The following COL15A1 variants were observed in gnomAD, a reference collection of about 807,000 sequenced individuals.
The protein encoded by COL15A1 is collagen type XV alpha 1 chain.
In COL15A1, 111 loss-of-function variants were observed where a neutral mutation model predicts 165.9. The observed-to-expected ratio is 0.67, with a 90% CI of 0.57 to 0.78. COL15A1 has a LOEUF of 0.78. Among genes scored for constraint, COL15A1 ranks in the 30% least tolerant of loss-of-function variants. The pLI is 0.00. For synonymous variants in COL15A1, 659 were observed against 674.8 expected, an observed-to-expected ratio of 0.98 and a Z score of 0.36; for missense variants, 1,745 against 1,789.7, an observed-to-expected ratio of 0.98 and a Z score of 0.45.
intron 19 of COL15A1, among the ~76,000 whole-genome samples, chr9:99,035,775 G>A (rs1449763561): frequency 6.6e-6 from 1 of 152,100 alleles, no homozygotes; most frequent in Non-Finnish European, 1.5e-5. Flanking sequence ...CCAGGTCAAA[G>A]CCCTGTGCTC....
At chr9:98,973,824 C>T (rs964064787) in intron 2 of COL15A1, among the ~76,000 whole-genome samples, 7 of 152,158 alleles carry the variant, frequency 4.6e-5, no homozygotes, top group East Asian at 3.9e-4. Flanking sequence ...CAGTTAGGGG[C>T]GGTTAGAAAA....
At chr9:99,054,459 CTTTG>C (rs1825681453) in intron 31 of COL15A1, 113 bp from the exon 32 acceptor site, 2 of 1,096,602 alleles carry the variant, frequency 1.8e-6, no homozygotes, top group Non-Finnish European at 2.6e-6. Context: ...CTCAGGAGGG[CTTTG>C]TTTGAGTGGA....
intron 6 of COL15A1, among the ~76,000 whole-genome samples, chr9:98,998,777 C>A (rs1055251952): frequency 6.6e-6 from 1 of 152,244 alleles, no homozygotes; most frequent in African/African-American, 2.4e-5. Flanking sequence ...GATCCCAACG[C>A]AGCTCGCCTG....
rs567533982 is a variant in COL15A1, at chr9:99,023,377, C to T, written c.1782C>T (p.Gly594=). ...TCCAGGCAGGAGCAGAAGCAGAGGG[C>T]TCTGGCCTAGGCTGGGGCTCGGACG... ...VGPTAGAEAE[G]SGLGWGSDVG... The change falls in exon 14 of 42, where the codon GGC becomes GGT. Residue 594 remains glycine (G), a synonymous_variant. Transcript: ENST00000375001. 1.9e-6 allele frequency: 3 copies of T among 1,611,114 alleles called. No homozygotes were observed. The highest frequency in any genetic ancestry group is 1.3e-5 in the African/African-American group (1 of 74,962).
At chr9:98,956,521 C>T (rs1442994739) in intron 2 of COL15A1, among the ~76,000 whole-genome samples, 1 of 152,022 alleles carries the variant, frequency 6.6e-6, no homozygotes, top group Non-Finnish European at 1.5e-5. Flanking sequence ...TTTATATGTA[C>T]ATTTACATAT....
chr9:99,020,266 C>T, intron 11 of COL15A1, 123 bp from the exon 12 acceptor site: 1 of 727,282 alleles, frequency 1.4e-6, no homozygotes, highest in Non-Finnish European at 2.5e-6. Flanking sequence ...CTGACTTCAG[C>T]CCAGTACAAG....
chr9:98,986,428 T>C (rs1811930633), intron 3 of COL15A1: 1 of 252,392 alleles, frequency 4.0e-6, no homozygotes, highest in Non-Finnish European at 7.6e-6. Flanking sequence ...TGAAAGCACT[T>C]TGTACGTTTT....
At chr9:98,981,846 C>A (rs528473536) in intron 2 of COL15A1, among the ~76,000 whole-genome samples, 1 of 152,228 alleles carries the variant, frequency 6.6e-6, no homozygotes, top group East Asian at 1.9e-4. Flanking sequence ...ACTCTGCCAC[C>A]CAGGCTGGAG....
chr9:99,003,382 T>A lies in COL15A1; in HGVS notation c.1066-71T>A, dbSNP rs575168956. ...GGTGGCTGGAGAAGGCTAGGCAGTC[T>A]GTTCTCACCAGCCACAGGCATGTTG... On this transcript the variant is annotated intron_variant, in intron 7 of 41. Transcript: ENST00000375001. 1.5e-4 allele frequency: 187 copies of A among 1,263,094 alleles called. 1 individual carries two copies. In the South Asian group the frequency reaches 2.0e-3, roughly 14 times the overall value. The allele number at this position is 1,263,094 out of a possible 1,614,324, so 78.2% of individuals were successfully genotyped here.
At chr9:99,066,597 C>CTTTTTTTTTTTTTTT (rs1825894667) in intron 39 of COL15A1, among the ~76,000 whole-genome samples, 1 of 65,114 alleles carries the variant, frequency 1.5e-5, no homozygotes, top group South Asian at 5.9e-4. Context: ...ATATTTTGTT[C>CTTTTTTTTTTTTTTT]TGTTTTTTTT....
intron 2 of COL15A1, among the ~76,000 whole-genome samples, chr9:98,951,273 A>G (rs901804093): frequency 7.9e-5 from 12 of 152,178 alleles, no homozygotes; most frequent in African/African-American, 2.7e-4. Flanking sequence ...TCCTTTGGCA[A>G]TATTTCCCCC....
chr9:99,012,686 ATTAT>A (rs1273821024), intron 9 of COL15A1, among the ~76,000 whole-genome samples: 1 of 130,568 alleles, frequency 7.7e-6, no homozygotes, highest in African/African-American at 2.8e-5. Context: ...TTATTCTTAG[ATTAT>A]TTGTTTCCCA....
chr9:99,027,921 C>CA (rs1839154317), intron 16 of COL15A1, among the ~76,000 whole-genome samples: 1 of 152,218 alleles, frequency 6.6e-6, no homozygotes, highest in East Asian at 1.9e-4. Flanking sequence ...TGTAAAATAA[C>CA]AAAAAATGTG....
intron 5 of COL15A1, among the ~76,000 whole-genome samples, chr9:98,990,264 T>A (rs1396179504): frequency 6.6e-6 from 1 of 152,208 alleles, no homozygotes; most frequent in Non-Finnish European, 1.5e-5. Flanking sequence ...AGACACTGAC[T>A]GAAGGGTGTA....
intron 4 of COL15A1, among the ~76,000 whole-genome samples, chr9:98,987,603 C>A (rs113102986): frequency 2.0e-5 from 3 of 152,118 alleles, no homozygotes; most frequent in Non-Finnish European, 4.4e-5. Context: ...TGGCTGTGGC[C>A]GTCAATGGCC....
Position 99,049,771 on chromosome 9 carries a change from G to T in COL15A1, c.2862+13G>T. 4 of 1,614,178 alleles carry T rather than the reference G, an allele frequency of 2.5e-6. No homozygotes were observed. The highest frequency in any genetic ancestry group is 8.5e-7 in the Non-Finnish European group (1 of 1,180,042). Reference sequence around the variant, plus strand: ...TAACATCAAAGGAGTAAGTTGGCACGCAGTGGGAAGACCTTCCCGATTGGC... The same window carrying T: ...TAACATCAAAGGAGTAAGTTGGCACTCAGTGGGAAGACCTTCCCGATTGGC... On this transcript the variant is annotated intron_variant, in intron 29 of 41. Transcript: ENST00000375001.
chr9:98,956,164 G>C (rs1182626973), intron 2 of COL15A1, among the ~76,000 whole-genome samples: 2 of 152,158 alleles, frequency 1.3e-5, no homozygotes, highest in African/African-American at 4.8e-5. Flanking sequence ...AAATTAGCTG[G>C]GCGTGGTGGT....
chr9:99,070,714 T>G lies in COL15A1; in HGVS notation c.*828T>G. On this transcript the variant is annotated 3_prime_UTR_variant, in exon 42 of 42. Transcript: ENST00000375001. ...AGATGAATTTTCTGAGAAACATATA[T>G]CTACATGTTGTATAATTGGATTTTT... 1 of 411,160 alleles carries G rather than the reference T, an allele frequency of 2.4e-6. No individual in the cohort carries two copies. The highest frequency in any genetic ancestry group is 4.9e-6 in the Non-Finnish European group (1 of 205,196). The allele number at this position is 411,160 out of a possible 1,614,324, so 25.5% of individuals were successfully genotyped here. A position where few individuals can be genotyped will look rare whatever the true frequency, so the allele number is the denominator to read the frequency against.
intron 5 of COL15A1, among the ~76,000 whole-genome samples, chr9:98,991,017 C>T (rs1838414271): frequency 6.6e-6 from 1 of 152,082 alleles, no homozygotes; most frequent in Non-Finnish European, 1.5e-5. Flanking sequence ...TGTTACAACT[C>T]TTAGGGCAGT....
Sources: gnomAD v4.1 joint callset for allele counts (sites outside exome capture counted in the v4.1 genomes callset) on GRCh38, gnomAD v4.1.1 for gene constraint, MANE v1.5 for transcripts, NCBI Gene and HGNC (gene_info 2026-07-23, HGNC 2026-07-21) for gene names.